The following ACACB variants were observed in gnomAD, a reference collection of about 807,000 sequenced individuals.
The protein encoded by ACACB is acetyl-CoA carboxylase 2.
Under a neutral mutation model 278.8 loss-of-function variants are expected in ACACB, and 209 were observed. The observed-to-expected ratio is 0.75, with a 90% confidence interval of 0.67 to 0.84. The LOEUF (loss-of-function observed/expected upper bound fraction) is 0.84. Ranked by LOEUF, ACACB falls within the 40% of genes least tolerant of loss-of-function variation. The pLI, the probability that ACACB is intolerant of heterozygous loss-of-function variation, is 0.00. For synonymous variants in ACACB, 1,174 were observed against 1,285.6 expected, an observed-to-expected ratio of 0.91 and a Z score of 1.86; for missense variants, 2,850 against 3,269.0, an observed-to-expected ratio of 0.87 and a Z score of 3.13.
chr12:109,158,046 C>T (rs34266), intron 2 of ACACB, among the ~76,000 whole-genome samples: 66,276 of 151,876 alleles, frequency 0.44, 15,509 homozygotes, highest in East Asian at 0.63. Context: ...ATCTGGATGC[C>T]GGGGACCCCA....
intron 22 of ACACB, among the ~76,000 whole-genome samples, chr12:109,215,720 C>T (rs1031882874): frequency 4.6e-5 from 7 of 151,836 alleles, no homozygotes; most frequent in Non-Finnish European, 7.4e-5. Context: ...AGCCGAGAAT[C>T]GTGCCACCGC....
At chr12:109,116,237 A>G (rs567998864), upstream of ACACB, among the ~76,000 whole-genome samples, 3 of 152,306 alleles carry the variant, frequency 2.0e-5, no homozygotes, top group East Asian at 1.9e-4. Flanking sequence ...TCACCTTCCC[A>G]TTCACGGTTT....
rs148835824 is a variant in ACACB at position 109,225,389 on chromosome 12, C to T, written c.3882+1485C>T. Among the ~76,000 whole-genome samples the T allele has an allele frequency of 2.8e-3, 429 of 152,304 alleles. 1 individual carries two copies. The highest frequency in any genetic ancestry group is 9.7e-3 in the African/African-American group (402 of 41,568). Reference sequence around the variant, plus strand: ...TTTTATTTGTTTTGTTTTTCCACCACGCCCAGCTAATTTTTGTATATTTAG... The same window carrying T: ...TTTTATTTGTTTTGTTTTTCCACCATGCCCAGCTAATTTTTGTATATTTAG... On this transcript the variant is annotated intron_variant, in intron 27 of 52. Coordinates refer to ENST00000338432, the MANE Select transcript of ACACB (RefSeq NM_001093.4).
rs1347186699 is a variant in ACACB, at chr12:109,196,994, G to A, written c.2482-14G>A. The A allele has an allele frequency of 6.5e-7, 1 of 1,541,570 alleles. No homozygotes were observed. Among genetic ancestry groups the A allele is most frequent in the South Asian group, 1.3e-5 (1 of 79,668 alleles). The stretch of plus-strand genomic sequence containing the variant: ...TCCTGAACCCAGGCGGTGACAAGGG[G>A]CTTGTCCCCACAGGTGGCCCGGCAG... On this transcript the variant is annotated splice_polypyrimidine_tract_variant and intron_variant, in intron 16 of 52. Coordinates refer to ENST00000338432, the MANE Select transcript of ACACB (RefSeq NM_001093.4).
At chr12:109,224,532 T>TTTATTATTATTA (rs34249818) in intron 27 of ACACB, among the ~76,000 whole-genome samples, 22 of 150,006 alleles carry the variant, frequency 1.5e-4, no homozygotes, top group African/African-American at 5.0e-4. Context: ...AATCTGCTCT[T>TTTATTATTATTA]TTATTATTAT....
In ACACB at chr12:109,256,371, G is replaced by A. The variant is rs2136795562; in HGVS notation, c.6263+135G>A. 4.6e-6 allele frequency: 3 copies of A among 657,274 alleles called. No individual in the cohort carries two copies. In the South Asian group the frequency reaches 5.4e-5, roughly 12 times the overall value. The allele number at this position is 657,274 out of a possible 1,614,324, so 40.7% of individuals were successfully genotyped here. On this transcript the variant is annotated intron_variant, in intron 45 of 52. Coordinates refer to ENST00000338432, the MANE Select transcript of ACACB (RefSeq NM_001093.4). Reference sequence around the variant, plus strand: ...TTTTCTAAAAGAAAAAACCAATTTGGGGAATGATTTCTGCAGTGTCTGTGT... The same window carrying A: ...TTTTCTAAAAGAAAAAACCAATTTGAGGAATGATTTCTGCAGTGTCTGTGT...
intron 11 of ACACB, among the ~76,000 whole-genome samples, chr12:109,181,464 A>G (rs1006947250): frequency 1.3e-5 from 2 of 151,866 alleles, no homozygotes; most frequent in Non-Finnish European, 2.9e-5. Flanking sequence ...CTGACCTCAG[A>G]TGATCTGCCC....
chr12:109,165,409 G>A (rs1203530582), intron 2 of ACACB, among the ~76,000 whole-genome samples: 5 of 151,894 alleles, frequency 3.3e-5, no homozygotes, highest in African/African-American at 4.8e-5. Flanking sequence ...GGCTGGTCTC[G>A]AACTCCTGGT....
intron 2 of ACACB, among the ~76,000 whole-genome samples, chr12:109,158,413 G>T (rs2043612450): frequency 6.6e-6 from 1 of 151,178 alleles, no homozygotes; most frequent in South Asian, 2.1e-4. Flanking sequence ...TGGGCATGGT[G>T]GCTTATGTCT....
In ACACB at chr12:109,171,786, C is replaced by G; in HGVS notation, c.926-19C>G. ...AGTCTGTCAGCAGTTCCTTCCTTCT[C>G]CCTCCCATTTAATTTCAGAGTACAT... On this transcript the variant is annotated intron_variant, in intron 4 of 52. Transcript: ENST00000338432. The G allele has an allele frequency of 6.3e-7, 1 of 1,589,736 alleles. No individual in the cohort carries two copies. The highest frequency in any genetic ancestry group is 8.6e-7 in the Non-Finnish European group (1 of 1,158,012).
At chr12:109,211,610 T>TA (rs1296218096) in intron 21 of ACACB, among the ~76,000 whole-genome samples, 19 of 152,112 alleles carry the variant, frequency 1.2e-4, no homozygotes, top group Admixed American at 1.2e-3. Context: ...AAGAAGGAAG[T>TA]AGATTAGTGG....
chr12:109,265,524 G>T lies in ACACB; in HGVS notation c.7249G>T (p.Gly2417Cys), dbSNP rs1565989459. Residue 2417 changes from glycine to cysteine, a missense_variant and splice_region_variant, in exon 52 of 53, where the codon GGC becomes TGC. Transcript: ENST00000338432. ...KHDSVLKTIR[G>C]LVEENPEVAV... ...CGACTCTGTCCTCAAGACCATCCGA[G>T]GGTGAGTGGCCACCGCACCTGCTTC... The T allele has an allele frequency of 6.2e-7, 1 of 1,613,186 alleles. No individual in the cohort carries two copies. The highest frequency in any genetic ancestry group is 8.5e-7 in the Non-Finnish European group (1 of 1,179,684).
chr12:109,266,812 A>AT lies in ACACB; in HGVS notation c.*450_*451insT, dbSNP rs915214402. On this transcript the variant is annotated 3_prime_UTR_variant, in exon 53 of 53. Transcript: ENST00000338432. ...CCAAATAAATGGGCCAAGGGAAAAA[A>AT]ATATATATATATAGACAGGACTAGA... is the stretch of plus-strand genomic sequence containing the variant. 1.6e-4 allele frequency: 24 copies of AT among 152,226 alleles called. No homozygotes were observed. Among genetic ancestry groups the AT allele is most frequent in the African/African-American group, 4.3e-4 (18 of 41,452 alleles). 9.4% of individuals were successfully genotyped at this position (152,226 alleles called of 1,614,324 possible). A position where few individuals can be genotyped will look rare whatever the true frequency, so the allele number is the denominator to read the frequency against.
intron 13 of ACACB, among the ~76,000 whole-genome samples, chr12:109,190,662 G>A (rs941322540): frequency 6.6e-5 from 10 of 151,908 alleles, no homozygotes; most frequent in African/African-American, 2.4e-4. Context: ...GCGTCTCACT[G>A]TGTTGCCCAG....
At chr12:109,180,224 A>G (rs2136224138) in intron 11 of ACACB, 137 bp downstream of exon 11, 1 of 835,276 alleles carries the variant, frequency 1.2e-6, no homozygotes, top group Non-Finnish European at 1.8e-6. Flanking sequence ...ACTTTGAGAA[A>G]TCTGTAAAAG....
chr12:109,135,832 C>T lies in ACACB; in HGVS notation c.-9-3565C>T, dbSNP rs564871784. On this transcript the variant is annotated intron_variant, in intron 1 of 52. Coordinates refer to ENST00000338432, the MANE Select transcript of ACACB (RefSeq NM_001093.4). Reference sequence around the variant, plus strand: ...ACTTTTTTTTTTTTTTTTTTTGAGACGGAGTCTTGCTCTGTCGCCCAGGCT... The same window carrying T: ...ACTTTTTTTTTTTTTTTTTTTGAGATGGAGTCTTGCTCTGTCGCCCAGGCT... 3.6e-4 allele frequency among the ~76,000 whole-genome samples: 44 copies of T among 120,858 alleles called. 1 individual carries two copies. The highest frequency in any genetic ancestry group is 3.2e-3 in the Admixed American group (34 of 10,560). The allele number at this position is 120,858 out of a possible 152,430, so 79.3% of individuals were successfully genotyped here.
At position 109,265,459 on chromosome 12, in the gene ACACB, C is replaced by T. The variant is rs755059216; in HGVS notation, c.7184C>T (p.Pro2395Leu). The change falls in exon 52 of 53, where the codon CCG becomes CTG. Residue 2395 changes from proline to leucine, a missense_variant. By Grantham distance (98) the Pro-to-Leu change is moderately conservative (BLOSUM62 -3). Transcript: ENST00000338432. ...LEQHWQAGDG[P>L]RSTIRENITY... ...CAGCACTGGCAGGCAGGGGATGGCC[C>T]GCGCTCCACCATCCGTGAGAACATC... 1.8e-5 allele frequency: 29 copies of T among 1,613,064 alleles called. 1 individual carries two copies. Among genetic ancestry groups the T allele is most frequent in the Admixed American group, 5.0e-5 (3 of 59,940 alleles).
chr12:109,198,828 G>C (rs546630935), intron 17 of ACACB, among the ~76,000 whole-genome samples: 4 of 151,362 alleles, frequency 2.6e-5, no homozygotes, highest in Admixed American at 1.3e-4. Flanking sequence ...GTCTCACTGT[G>C]TTGCCCAAGC....
chr12:109,259,264 C>T (rs2047315187), intron 47 of ACACB, among the ~76,000 whole-genome samples, 156 bp downstream of exon 47: 1 of 152,050 alleles, frequency 6.6e-6, no homozygotes, highest in Non-Finnish European at 1.5e-5. Context: ...TCAGGTGCCC[C>T]ACTACCCCGT....
Sources: gnomAD v4.1 joint callset for allele counts (sites outside exome capture counted in the v4.1 genomes callset) on GRCh38, gnomAD v4.1.1 for gene constraint, MANE v1.5 for transcripts, NCBI Gene and HGNC (gene_info 2026-07-23, HGNC 2026-07-21) for gene names.